PIK3C2G: variants seen among roughly 807,000 people sequenced by gnomAD.
PIK3C2G encodes the protein phosphatidylinositol-4-phosphate 3-kinase catalytic subunit type 2 gamma.
PIK3C2G carries 168 observed loss-of-function variants against 181.1 expected under a neutral mutation model. The ratio of observed to expected loss-of-function variants is 0.93; its 90% CI spans 0.82 to 1.05. The LOEUF (loss-of-function observed/expected upper bound fraction) is 1.05. Ranked by LOEUF, PIK3C2G falls within the 50% of genes least tolerant of loss-of-function variation. The pLI, the probability that PIK3C2G is intolerant of heterozygous loss-of-function variation, is 0.00. For synonymous variants in PIK3C2G, 573 were observed against 592.2 expected (o/e 0.97, Z 0.47); for missense variants, 1,869 against 1,732.8 (o/e 1.08, Z -1.40).
chr12:18,342,513 T>A (rs982675594), intron 9 of PIK3C2G, among the ~76,000 whole-genome samples: 9 of 152,016 alleles, frequency 5.9e-5, no homozygotes, highest in East Asian at 3.9e-4. Context: ...TTTACTTTTT[T>A]AAATTTTGAG....
chr12:18,648,224 C>T lies in PIK3C2G; in HGVS notation c.*196C>T, dbSNP rs1950258446. 3.0e-6 allele frequency: 1 copy of T among 334,580 alleles called. No individual in the cohort carries two copies. The highest frequency in any genetic ancestry group is 5.4e-6 in the Non-Finnish European group (1 of 184,832). 20.7% of individuals were successfully genotyped at this position (334,580 alleles called of 1,614,324 possible). On this transcript the variant is annotated 3_prime_UTR_variant, in exon 33 of 33. Transcript: ENST00000538779. ...TTTCATTGTTTTTTCATAATCTTTT[C>T]TCCTTCAGTGGAGTACTGATTGCAT...
chr12:18,384,360 T>C (rs961114891), intron 14 of PIK3C2G, among the ~76,000 whole-genome samples: 1 of 152,178 alleles, frequency 6.6e-6, no homozygotes, highest in Non-Finnish European at 1.5e-5. Context: ...AACAGAGTAA[T>C]ATGAAGAACT....
At chr12:18,274,766 C>T (rs1948908786) in intron 1 of PIK3C2G, among the ~76,000 whole-genome samples, 1 of 152,102 alleles carries the variant, frequency 6.6e-6, no homozygotes, top group South Asian at 2.1e-4. Flanking sequence ...AACAAACCTG[C>T]ACGTTGTGCA....
chr12:18,363,461 C>T (rs143438067), intron 12 of PIK3C2G, among the ~76,000 whole-genome samples: 148 of 151,884 alleles, frequency 9.7e-4, no homozygotes, highest in Middle Eastern at 3.4e-3. Context: ...TTTTGCTCCC[C>T]GCACCCAACT....
At chr12:18,605,850 G>T (rs755084627) in intron 30 of PIK3C2G, among the ~76,000 whole-genome samples, 11 of 151,976 alleles carry the variant, frequency 7.2e-5, no homozygotes, top group Admixed American at 3.9e-4. Context: ...TAAACCAGGC[G>T]CTTATAAACA....
intron 26 of PIK3C2G, among the ~76,000 whole-genome samples, chr12:18,551,117 G>T (rs892997308): frequency 6.6e-6 from 1 of 152,004 alleles, no homozygotes; most frequent in South Asian, 2.1e-4. Flanking sequence ...AAATTGGTTT[G>T]CTGGCCACAA....
chr12:18,344,823 C>T (rs1471679012), intron 10 of PIK3C2G, among the ~76,000 whole-genome samples: 1 of 152,070 alleles, frequency 6.6e-6, no homozygotes, highest in Non-Finnish European at 1.5e-5. Flanking sequence ...CACCACCAAG[C>T]CCTGTGTCTT....
intron 29 of PIK3C2G, among the ~76,000 whole-genome samples, chr12:18,590,451 C>T (rs1414325210): frequency 6.6e-6 from 1 of 151,898 alleles, no homozygotes; most frequent in Non-Finnish European, 1.5e-5. Context: ...GGTAACCCTA[C>T]ATATGGGGAA....
chr12:18,413,179 G>T (rs988525586), intron 16 of PIK3C2G, among the ~76,000 whole-genome samples: 1 of 151,786 alleles, frequency 6.6e-6, no homozygotes. Context: ...AATGGTTAAT[G>T]TACAGAGTTA....
At chr12:18,585,909 C>T (rs915495835) in intron 29 of PIK3C2G, among the ~76,000 whole-genome samples, 2 of 152,080 alleles carry the variant, frequency 1.3e-5, no homozygotes, top group East Asian at 1.9e-4. Context: ...CAAAACTATG[C>T]AATTACATGG....
chr12:18,672,838 C>T, the PIK3C2G span, among the ~76,000 whole-genome samples: 2 of 152,074 alleles, frequency 1.3e-5, no homozygotes, highest in African/African-American at 4.8e-5. Context: ...CGATGTAGTC[C>T]ATTCAGGGCT....
intron 7 of PIK3C2G, among the ~76,000 whole-genome samples, chr12:18,324,740 C>T (rs1452693816): frequency 6.6e-6 from 1 of 152,090 alleles, no homozygotes; most frequent in Non-Finnish European, 1.5e-5. Context: ...TTGCAACTTA[C>T]GGTTTGAATT....
chr12:18,595,871 C>G (rs780894249), intron 30 of PIK3C2G, among the ~76,000 whole-genome samples: 3 of 152,136 alleles, frequency 2.0e-5, no homozygotes, highest in Non-Finnish European at 4.4e-5. Flanking sequence ...CATCAAAACT[C>G]TCATCATGGG....
chr12:18,541,403 T>C (rs1283173912), intron 25 of PIK3C2G, among the ~76,000 whole-genome samples: 1 of 151,890 alleles, frequency 6.6e-6, no homozygotes, highest in Admixed American at 6.6e-5. Context: ...TTCCCGAAAA[T>C]AAAAGCCTGT....
chr12:18,386,292 T>C (rs959917481), intron 14 of PIK3C2G, among the ~76,000 whole-genome samples: 1 of 152,228 alleles, frequency 6.6e-6, no homozygotes, highest in African/African-American at 2.4e-5. Flanking sequence ...TTTCTTGAGA[T>C]GTAATTCACA....
intron 25 of PIK3C2G, among the ~76,000 whole-genome samples, chr12:18,545,646 AAT>A (rs1256863374): frequency 5.9e-5 from 9 of 151,928 alleles, no homozygotes; most frequent in Non-Finnish European, 1.3e-4. Context: ...TTGGCAGGAA[AAT>A]ATCTTATACA....
the PIK3C2G span, among the ~76,000 whole-genome samples, chr12:18,687,934 T>G: frequency 6.6e-6 from 1 of 152,090 alleles, no homozygotes; most frequent in Non-Finnish European, 1.5e-5. Flanking sequence ...ATAAAAATGT[T>G]TTTGTTGCAT....
chr12:18,309,497 C>T (rs900208981), intron 5 of PIK3C2G, among the ~76,000 whole-genome samples: 1 of 151,614 alleles, frequency 6.6e-6, no homozygotes, highest in African/African-American at 2.4e-5. Flanking sequence ...TCTGAATAAC[C>T]ACAGTTTGCC....
At chr12:18,481,594 T>A (rs10770363) in intron 18 of PIK3C2G, among the ~76,000 whole-genome samples, 86,875 of 152,024 alleles carry the variant, frequency 0.57, 25,277 homozygotes, top group East Asian at 0.84. Flanking sequence ...TGTGATAGTA[T>A]GTATATACTC....
Sources: allele counts gnomAD v4.1 joint callset (sites outside exome capture counted in the v4.1 genomes callset), GRCh38; gene constraint gnomAD v4.1.1; transcripts MANE v1.5; gene names NCBI Gene and HGNC (gene_info 2026-07-23, HGNC 2026-07-21).